The following NIPA1 variants were observed in gnomAD, a reference collection of about 807,000 sequenced individuals.
The protein encoded by NIPA1 is NIPA magnesium transporter 1.
Under a neutral mutation model 23.9 loss-of-function variants are expected in NIPA1, and 13 were observed. The observed-to-expected ratio is 0.54, with a 90% CI of 0.35 to 0.87. NIPA1 has a LOEUF of 0.87. NIPA1 is among the 40% of genes least tolerant of loss of function. The pLI, the probability that NIPA1 is intolerant of heterozygous loss-of-function variation, is 0.01. For synonymous variants in NIPA1, 234 were observed against 202.9 expected (o/e 1.15, Z -1.30); for missense variants, 362 against 429.7 (o/e 0.84, Z 1.39).
intron 1 of NIPA1, among the ~76,000 whole-genome samples, chr15:22,791,713 G>A (rs1428594869): frequency 3.3e-5 from 5 of 151,798 alleles, no homozygotes; most frequent in South Asian, 4.2e-4. Flanking sequence ...TCATCCACCC[G>A]CCTCGACCTC....
intron 1 of NIPA1, among the ~76,000 whole-genome samples, chr15:22,799,809 TGTG>T (rs35438236): frequency 0.28 from 39,883 of 143,212 alleles, 7,099 homozygotes; most frequent in Admixed American, 0.41. Context: ...AGGCGAGTGT[TGTG>T]GTGCACCTGT....
chr15:22,812,382 T>A, intron 3 of NIPA1, 129 bp downstream of exon 3: 1 of 715,824 alleles, frequency 1.4e-6, no homozygotes, highest in Non-Finnish European at 2.5e-6. Context: ...CCGGGCATGG[T>A]GGCTTACGCC....
chr15:22,809,771 G>C (rs1030014652), intron 1 of NIPA1, among the ~76,000 whole-genome samples: 1 of 151,104 alleles, frequency 6.6e-6, no homozygotes, highest in Non-Finnish European at 1.5e-5. Context: ...CAGGCGCGGT[G>C]GCTCACACCT....
At chr15:22,815,094 T>C (rs1044465006) in intron 3 of NIPA1, among the ~76,000 whole-genome samples, 1 of 152,190 alleles carries the variant, frequency 6.6e-6, no homozygotes, top group African/African-American at 2.4e-5. Flanking sequence ...TGATGTGATT[T>C]TTTTTTCCTG....
intron 1 of NIPA1, among the ~76,000 whole-genome samples, chr15:22,788,464 C>T (rs1367273347): frequency 1.4e-5 from 2 of 142,046 alleles, no homozygotes; most frequent in East Asian, 2.1e-4. Flanking sequence ...TCCGCCACTG[C>T]ACTCAGCCTG....
rs1895302904 is a variant in NIPA1 at position 22,810,879 on chromosome 15, T to TA, written c.226+84dup. 3.7e-6 allele frequency: 4 copies of TA among 1,078,192 alleles called. No homozygotes were observed. The East Asian group carries it at 9.4e-5, about 25-fold the overall frequency. 66.8% of individuals were successfully genotyped at this position (1,078,192 alleles called of 1,614,324 possible). Reference sequence around the variant, plus strand: ...CTGGGCAGGGCTGGAGTGGCTGGGCTAGGGTGGCTCTGTTCTTTGGAAGAG... The same window carrying TA: ...CTGGGCAGGGCTGGAGTGGCTGGGCTAAGGGTGGCTCTGTTCTTTGGAAGAG... On this transcript the variant is annotated intron_variant, in intron 2 of 4. Transcript: ENST00000337435.
Position 22,829,199 on chromosome 15 carries a change from G to A in NIPA1, c.*4960G>A, listed in dbSNP as rs1188944537. On this transcript the variant is annotated 3_prime_UTR_variant, in exon 5 of 5. Transcript: ENST00000337435. ...ATGGTGTGATGTGCTCCTGACATTC[G>A]GCCGAGGTCTGTATTCTGAAAAAGA... is the stretch of plus-strand genomic sequence containing the variant. The A allele has an allele frequency of 2.0e-5, 3 of 152,096 alleles. No homozygotes were observed. Among genetic ancestry groups the A allele is most frequent in the Non-Finnish European group, 2.9e-5 (2 of 68,026 alleles). The allele number at this position is 152,096 out of a possible 1,614,324, so 9.4% of individuals were successfully genotyped here.
At chr15:22,812,825 G>A (rs191003113) in intron 3 of NIPA1, among the ~76,000 whole-genome samples, 8 of 152,010 alleles carry the variant, frequency 5.3e-5, no homozygotes, top group Admixed American at 1.3e-4. Flanking sequence ...TCTCCTGGTC[G>A]TTGTCCTGGA....
intron 1 of NIPA1, among the ~76,000 whole-genome samples, chr15:22,804,686 C>A (rs1483219213): frequency 1.3e-5 from 2 of 152,122 alleles, no homozygotes; most frequent in Non-Finnish European, 2.9e-5. Flanking sequence ...GGTCCAGCAC[C>A]ATTTGTTGGA....
intron 1 of NIPA1, among the ~76,000 whole-genome samples, chr15:22,791,656 G>A (rs1014060186): frequency 6.6e-6 from 1 of 151,674 alleles, no homozygotes; most frequent in East Asian, 1.9e-4. Context: ...GCTAATTTTT[G>A]TATTTTGAGT....
chr15:22,827,396 A>G lies in NIPA1; in HGVS notation c.*3157A>G, dbSNP rs528563097. ...GCAGGACCATGCCATCTCTGTGGAG[A>G]AGGTGCTGGGGAGGGAAGTCCTTCC... On this transcript the variant is annotated 3_prime_UTR_variant, in exon 5 of 5. Coordinates refer to ENST00000337435, the MANE Select transcript of NIPA1 (RefSeq NM_144599.5). 1 of 152,156 alleles carries G rather than the reference A, an allele frequency of 6.6e-6. No homozygotes were observed. Among genetic ancestry groups the G allele is most frequent in the African/African-American group, 2.4e-5 (1 of 41,524 alleles). The allele number at this position is 152,156 out of a possible 1,614,324, so 9.4% of individuals were successfully genotyped here. A position where few individuals can be genotyped will look rare whatever the true frequency, so the allele number is the denominator to read the frequency against.
At chr15:22,802,409 A>T (rs886172536) in intron 1 of NIPA1, among the ~76,000 whole-genome samples, 1 of 150,916 alleles carries the variant, frequency 6.6e-6, no homozygotes, top group Non-Finnish European at 1.5e-5. Context: ...AAAAAAAAAA[A>T]TTTAAACCAC....
chr15:22,808,371 A>T (rs1895254798), intron 1 of NIPA1, among the ~76,000 whole-genome samples: 1 of 152,172 alleles, frequency 6.6e-6, no homozygotes, highest in African/African-American at 2.4e-5. Flanking sequence ...ACTGAGAGGG[A>T]CACCAGACAG....
intron 1 of NIPA1, among the ~76,000 whole-genome samples, chr15:22,793,418 C>T (rs982888387): frequency 2.0e-5 from 3 of 150,014 alleles, no homozygotes; most frequent in African/African-American, 7.3e-5. Context: ...GTCATTCTGC[C>T]CTGCTGTCAA....
chr15:22,787,666 G>A (rs1894739140), intron 1 of NIPA1, among the ~76,000 whole-genome samples: 1 of 152,188 alleles, frequency 6.6e-6, no homozygotes, highest in African/African-American at 2.4e-5. Flanking sequence ...GAAACAGTCC[G>A]TTTCCATTGC....
intron 1 of NIPA1, among the ~76,000 whole-genome samples, chr15:22,789,361 A>G (rs1006830550): frequency 2.6e-5 from 4 of 152,116 alleles, no homozygotes; most frequent in African/African-American, 9.7e-5. Context: ...CAGACATTGC[A>G]TGGTGTTAGG....
intron 1 of NIPA1, among the ~76,000 whole-genome samples, chr15:22,793,924 T>C (rs1894887746): frequency 6.6e-6 from 1 of 152,202 alleles, no homozygotes; most frequent in African/African-American, 2.4e-5. Flanking sequence ...CCCATTGGTC[T>C]GTGTGTCTTT....
At chr15:22,803,675 ATTTTTTTTT>A (rs34811722) in intron 1 of NIPA1, among the ~76,000 whole-genome samples, 4 of 71,090 alleles carry the variant, frequency 5.6e-5, no homozygotes, top group Admixed American at 1.9e-4. Context: ...GGCCCGGCTA[ATTTTTTTTT>A]TTTTTTTTTT....
upstream of NIPA1, chr15:22,786,325 C>T (rs1374441301): frequency 6.6e-6 from 1 of 152,420 alleles, no homozygotes; most frequent in Non-Finnish European, 1.5e-5. Context: ...CTCCGCTGCC[C>T]GGATATTGCA....
Sources: allele counts gnomAD v4.1 joint callset (sites outside exome capture counted in the v4.1 genomes callset), GRCh38; gene constraint gnomAD v4.1.1; transcripts MANE v1.5; gene names NCBI Gene and HGNC (gene_info 2026-07-23, HGNC 2026-07-21).